The following IFT43 variants were observed in gnomAD, a reference collection of about 807,000 sequenced individuals.
IFT43 encodes the protein intraflagellar transport 43.
A neutral mutation model predicts 32.3 loss-of-function variants in IFT43; 33 were observed. The observed-to-expected ratio is 1.02, with a 90% CI of 0.77 to 1.37. The LOEUF (loss-of-function observed/expected upper bound fraction) is 1.37. Ranked by LOEUF, IFT43 falls within the 40% of genes most tolerant of loss-of-function variation. The pLI is 0.00. For synonymous variants in IFT43, 93 were observed against 98.2 expected, an observed-to-expected ratio of 0.95 and a Z score of 0.31; for missense variants, 274 against 265.9, an observed-to-expected ratio of 1.03 and a Z score of -0.21.
chr14:76,034,499 A>G (rs543719261), intron 3 of IFT43, among the ~76,000 whole-genome samples: 1 of 152,332 alleles, frequency 6.6e-6, no homozygotes, highest in South Asian at 2.1e-4. Context: ...TTATATGTGC[A>G]TTACACCAAC....
At chr14:76,049,056 C>T (rs1420237997) in intron 3 of IFT43, among the ~76,000 whole-genome samples, 1 of 152,186 alleles carries the variant, frequency 6.6e-6, no homozygotes, top group Non-Finnish European at 1.5e-5. Context: ...CATTATAGAG[C>T]AGAAACTTCT....
intron 3 of IFT43, among the ~76,000 whole-genome samples, chr14:76,025,084 TA>T (rs200407537): frequency 0.014 from 2,127 of 152,050 alleles, 56 homozygotes; most frequent in African/African-American, 0.044. Flanking sequence ...AGATGAAAGA[TA>T]AAAAAAATAT....
intron 1 of IFT43, chr14:75,986,374 T>C: frequency 1.0e-6 from 1 of 1,000,896 alleles, no homozygotes; most frequent in South Asian, 1.7e-5. Flanking sequence ...CCAAGACCGA[T>C]TTGTAACGTG....
chr14:76,011,399 G>T (rs532451235), intron 2 of IFT43, among the ~76,000 whole-genome samples: 1 of 152,312 alleles, frequency 6.6e-6, no homozygotes, highest in African/African-American at 2.4e-5. Flanking sequence ...AATGGTTTAG[G>T]CAGGAAGTTT....
chr14:76,074,426 C>A, intron 5 of IFT43, among the ~76,000 whole-genome samples: 1 of 152,156 alleles, frequency 6.6e-6, no homozygotes, highest in Admixed American at 6.5e-5. Context: ...TCGTTTCCTT[C>A]AATTGACAGT....
At chr14:76,056,561 C>T (rs571332109) in intron 3 of IFT43, among the ~76,000 whole-genome samples, 1 of 152,222 alleles carries the variant, frequency 6.6e-6, no homozygotes, top group Admixed American at 6.5e-5. Flanking sequence ...AGGAACGATT[C>T]GGTCATAACT....
chr14:76,058,602 T>C (rs771094069), intron 3 of IFT43, 40 bp from the exon 4 acceptor site: 1 of 1,609,492 alleles, frequency 6.2e-7, no homozygotes, highest in Non-Finnish European at 8.5e-7. Context: ...ATGAGACTAG[T>C]GGGCTCTCAA....
intron 3 of IFT43, among the ~76,000 whole-genome samples, chr14:76,051,955 A>T (rs2036921380): frequency 6.6e-6 from 1 of 152,098 alleles, no homozygotes; most frequent in African/African-American, 2.4e-5. Flanking sequence ...CAAACCCTTC[A>T]CATTCCTCCC....
chr14:76,002,015 A>C (rs2035895294), intron 2 of IFT43, among the ~76,000 whole-genome samples: 2 of 152,242 alleles, frequency 1.3e-5, no homozygotes, highest in Non-Finnish European at 2.9e-5. Flanking sequence ...TGGGAGGCCA[A>C]GATGGGCGGA....
At chr14:75,988,288 A>AG (rs1189322513) in intron 1 of IFT43, among the ~76,000 whole-genome samples, 1 of 152,068 alleles carries the variant, frequency 6.6e-6, no homozygotes, top group Non-Finnish European at 1.5e-5. Context: ...GCAAGGTAGG[A>AG]GGATCACTTG....
chr14:76,077,800 T>C (rs1057485108), intron 5 of IFT43, among the ~76,000 whole-genome samples: 1 of 152,196 alleles, frequency 6.6e-6, no homozygotes, highest in Admixed American at 6.5e-5. Flanking sequence ...CTCCAGTGTT[T>C]CCAGTTACTT....
intron 5 of IFT43, among the ~76,000 whole-genome samples, chr14:76,061,481 A>G (rs777322802): frequency 2.2e-4 from 33 of 152,136 alleles, no homozygotes; most frequent in African/African-American, 7.7e-4. Context: ...TTGTCTCCAC[A>G]GGTCATTGAG....
intron 5 of IFT43, among the ~76,000 whole-genome samples, chr14:76,075,154 C>T (rs2037390572): frequency 6.6e-6 from 1 of 152,208 alleles, no homozygotes; most frequent in African/African-American, 2.4e-5. Context: ...TCTGCAGGGC[C>T]ACACGCATGC....
At chr14:75,997,298 G>A (rs1594803804) in intron 2 of IFT43, among the ~76,000 whole-genome samples, 1 of 152,272 alleles carries the variant, frequency 6.6e-6, no homozygotes, top group South Asian at 2.1e-4. Flanking sequence ...CTTGATAAAT[G>A]GACCAAGTGT....
At chr14:76,012,400 G>A (rs920414642) in intron 2 of IFT43, among the ~76,000 whole-genome samples, 1 of 152,126 alleles carries the variant, frequency 6.6e-6, no homozygotes, top group African/African-American at 2.4e-5. Flanking sequence ...TAGCCCATTC[G>A]GATGAGACCA....
At chr14:76,035,291 A>G (rs1376803564) in intron 3 of IFT43, among the ~76,000 whole-genome samples, 4 of 151,838 alleles carry the variant, frequency 2.6e-5, no homozygotes, top group Non-Finnish European at 5.9e-5. Flanking sequence ...TGTCCATCTC[A>G]CTCTCCTCAC....
intron 2 of IFT43, among the ~76,000 whole-genome samples, chr14:76,000,693 A>G (rs894697893): frequency 6.6e-6 from 1 of 152,162 alleles, no homozygotes; most frequent in African/African-American, 2.4e-5. Flanking sequence ...TAAAGAGGAG[A>G]GGTCAGTGAC....
At position 76,059,154 on chromosome 14, in the gene IFT43, A is replaced by G. The variant is rs2037082660; in HGVS notation, c.249-173A>G. The G allele has an allele frequency of 9.1e-6, 14 of 1,532,600 alleles. No homozygotes were observed. The African/African-American group carries it at 9.5e-5, about 10-fold the overall frequency. The allele number at this position is 1,532,600 out of a possible 1,614,324, so 94.9% of individuals were successfully genotyped here. On this transcript the variant is annotated intron_variant, in intron 4 of 8. Coordinates refer to ENST00000314067, the MANE Select transcript of IFT43 (RefSeq NM_001102564.3). ...AATAGTGCATCGCACAGCCTGTGCAACCACACACGGCACACCCAGTGGCCT... is the reference window on the plus strand; with the variant it reads ...AATAGTGCATCGCACAGCCTGTGCAGCCACACACGGCACACCCAGTGGCCT...
chr14:76,004,399 C>T (rs922869266), intron 2 of IFT43, among the ~76,000 whole-genome samples: 10 of 152,108 alleles, frequency 6.6e-5, no homozygotes, highest in African/African-American at 2.4e-4. Flanking sequence ...CATTTTTCCC[C>T]CGATTGTTCT....
Sources: gnomAD v4.1 joint callset for allele counts (sites outside exome capture counted in the v4.1 genomes callset) on GRCh38, gnomAD v4.1.1 for gene constraint, MANE v1.5 for transcripts, NCBI Gene and HGNC (gene_info 2026-07-23, HGNC 2026-07-21) for gene names.